The following MAP2K7 variants were observed in gnomAD, a reference collection of about 807,000 sequenced individuals.
The protein encoded by MAP2K7 is dual specificity mitogen-activated protein kinase kinase 7.
In MAP2K7, 12 loss-of-function variants were observed where a neutral mutation model predicts 47.7. The ratio of observed to expected loss-of-function variants is 0.25; its 90% confidence interval spans 0.16 to 0.41. The LOEUF is 0.41. Ranked by LOEUF, MAP2K7 falls within the 10% of genes least tolerant of loss-of-function variation. The pLI is 1.00. For missense variants in MAP2K7, 415 were observed against 600.3 expected (o/e 0.69, Z 3.23); for synonymous variants, 299 against 243.0 (o/e 1.23, Z -2.14).
chr19:7,909,962 G>C, intron 2 of MAP2K7, 66 bp downstream of exon 2: 1 of 1,506,716 alleles, frequency 6.6e-7, no homozygotes, highest in Non-Finnish European at 8.9e-7. Context: ...CCAGCCCTGG[G>C]AGGAGGGTGG....
chr19:7,912,039 A>C, intron 9 of MAP2K7, 110 bp from the exon 10 acceptor site: 1 of 953,096 alleles, frequency 1.0e-6, no homozygotes, highest in Non-Finnish European at 1.7e-6. Context: ...TCCTTCCCCC[A>C]CACACATCTT....
intron 1 of MAP2K7, chr19:7,906,135 C>CG: frequency 2.0e-6 from 1 of 493,996 alleles, no homozygotes; most frequent in Non-Finnish European, 3.7e-6. Flanking sequence ...CTGTGGCCTC[C>CG]GGGGGTGGGG....
chr19:7,904,450 G>T (rs542110473), intron 1 of MAP2K7: 1 of 380,586 alleles, frequency 2.6e-6, no homozygotes, highest in Non-Finnish European at 5.3e-6. Flanking sequence ...CGTCATCTCA[G>T]GGACTGTCTG....
chr19:7,907,690 C>T (rs1982555219), intron 1 of MAP2K7, among the ~76,000 whole-genome samples: 1 of 152,176 alleles, frequency 6.6e-6, no homozygotes, highest in Non-Finnish European at 1.5e-5. Flanking sequence ...CCCCAGGCTC[C>T]GGGGCCACCC....
At chr19:7,904,102 G>T in intron 1 of MAP2K7, 34 bp downstream of exon 1, 1 of 1,159,022 alleles carries the variant, frequency 8.6e-7, no homozygotes, top group South Asian at 3.5e-5. Context: ...GGGGCGGGCG[G>T]GCGGGGCGGG....
chr19:7,909,844 C>A lies in MAP2K7; in HGVS notation c.214C>A (p.Arg72Ser). The A allele has an allele frequency of 6.5e-7, 1 of 1,540,530 alleles. No homozygotes were observed. ...GCACCCCACGCCCCCCGCCCGGCCCCGCCACATGCTGGGGCTCCCGTCAAC... is the reference window on the plus strand; with the variant it reads ...GCACCCCACGCCCCCCGCCCGGCCCAGCCACATGCTGGGGCTCCCGTCAAC... ...PQHPTPPARP[R>S]HMLGLPSTLF... Residue 72 changes from arginine to serine, a missense_variant, in exon 2 of 11, where the codon CGC becomes AGC. This residue lies in a region of MAP2K7 where 115 missense variants were observed against 126.2 expected (regional missense o/e 0.91). Transcript: ENST00000397979.
At chr19:7,906,166 T>TGTA (rs1982445069) in intron 1 of MAP2K7, 2 of 406,162 alleles carry the variant, frequency 4.9e-6, no homozygotes, top group Non-Finnish European at 9.1e-6. Flanking sequence ...CCTGTGTGTG[T>TGTA]GTAACTGAGA....
intron 9 of MAP2K7, among the ~76,000 whole-genome samples, chr19:7,911,926 T>C (rs1173959733): frequency 1.3e-5 from 2 of 152,182 alleles, no homozygotes; most frequent in African/African-American, 4.8e-5. Context: ...CAGCCAGCTC[T>C]GGCCCCCCAA....
chr19:7,904,970 G>C (rs1167353226), intron 1 of MAP2K7, among the ~76,000 whole-genome samples: 1 of 151,236 alleles, frequency 6.6e-6, no homozygotes, highest in Non-Finnish European at 1.5e-5. Context: ...CCACCACCTC[G>C]GTACCTACCT....
intron 5 of MAP2K7, 47 bp from the exon 6 acceptor site, chr19:7,910,649 G>A (rs761990849): frequency 1.9e-6 from 3 of 1,608,150 alleles, no homozygotes; most frequent in Non-Finnish European, 2.6e-6. Context: ...AGCCTCTGGG[G>A]GGTGGGCCGG....
At chr19:7,905,920 G>A (rs1599620696) in intron 1 of MAP2K7, 13 of 1,432,606 alleles carry the variant, frequency 9.1e-6, no homozygotes, top group South Asian at 4.6e-5. Flanking sequence ...TGCCCCGGCC[G>A]CAGAATGGCG....
intron 8 of MAP2K7, 49 bp downstream of exon 8, chr19:7,911,379 G>A (rs780818089): frequency 1.2e-6 from 2 of 1,613,330 alleles, no homozygotes; most frequent in Admixed American, 1.7e-5. Context: ...AGGGCTTCTG[G>A]GGGACTCGGA....
chr19:7,912,099 C>T, intron 9 of MAP2K7, 50 bp from the exon 10 acceptor site: 1 of 1,576,562 alleles, frequency 6.3e-7, no homozygotes, highest in Non-Finnish European at 8.7e-7. Flanking sequence ...GTGGGGCCGG[C>T]ATCCCCTCCT....
In MAP2K7 at chr19:7,914,092, G is replaced by C. The variant is rs907011465; in HGVS notation, c.*1661G>C. 1 of 152,256 alleles carries C rather than the reference G, an allele frequency of 6.6e-6. No individual in the cohort carries two copies. Among genetic ancestry groups the C allele is most frequent in the Non-Finnish European group, 1.5e-5 (1 of 68,058 alleles). The allele number at this position is 152,256 out of a possible 1,614,324, so 9.4% of individuals were successfully genotyped here. ...TGCATCCAGCCATGGGGGCCTCTGC[G>C]ATTGCCGGAAGGTTGCATGGCTGGT... On this transcript the variant is annotated 3_prime_UTR_variant, in exon 11 of 11. Transcript: ENST00000397979.
intron 1 of MAP2K7, among the ~76,000 whole-genome samples, chr19:7,908,953 C>T (rs1222042337): frequency 6.6e-6 from 1 of 152,086 alleles, no homozygotes; most frequent in Non-Finnish European, 1.5e-5. Flanking sequence ...GCTGCCTGCC[C>T]GCCGCCTGCC....
Position 7,911,523 on chromosome 19 carries a change from C to T in MAP2K7, c.1024C>T (p.Leu342Phe), listed in dbSNP as rs982599133. 4.3e-6 allele frequency: 7 copies of T among 1,612,000 alleles called. No individual in the cohort carries two copies. The African/African-American group carries it at 9.3e-5, about 22-fold the overall frequency. ...CAAAGTCCTACAGGAAGAGCCCCCG[C>T]TTCTGCCCGGACACATGGGCTTCTC... ...LTKVLQEEPP[L>F]LPGHMGFSGD... is the part of the protein sequence containing the mutation. Residue 342 changes from leucine (L) to phenylalanine (F), a missense_variant, in exon 9 of 11, where the codon CTT (leucine) becomes TTT (phenylalanine). Coordinates refer to ENST00000397979, the MANE Select transcript of MAP2K7 (RefSeq NM_145185.4).
intron 1 of MAP2K7, among the ~76,000 whole-genome samples, chr19:7,909,068 A>T (rs1982644831): frequency 6.6e-6 from 1 of 151,996 alleles, no homozygotes; most frequent in South Asian, 2.1e-4. Context: ...CCCCTGCAGG[A>T]GCTGTGCCCC....
chr19:7,912,051 G>C, intron 9 of MAP2K7, 98 bp from the exon 10 acceptor site: 1 of 1,132,824 alleles, frequency 8.8e-7, no homozygotes, highest in South Asian at 1.4e-5. Flanking sequence ...ACACATCTTG[G>C]GGACCCCTGG....
Position 7,910,960 on chromosome 19 carries a change from C to T in MAP2K7, c.676-20C>T, listed in dbSNP as rs1191346688. 6.2e-7 allele frequency: 1 copy of T among 1,600,552 alleles called. No individual in the cohort carries two copies. Among genetic ancestry groups the T allele is most frequent in the Admixed American group, 1.7e-5 (1 of 59,626 alleles). ...GGTCTGTGCCCCCTGCCACATGCAC[C>T]CCCCTCTGCGTGCCTGCAGATTGTG... On this transcript the variant is annotated intron_variant, in intron 6 of 10. Coordinates refer to ENST00000397979, the MANE Select transcript of MAP2K7 (RefSeq NM_145185.4).
Sources: gnomAD v4.1 joint callset for allele counts (sites outside exome capture counted in the v4.1 genomes callset) on GRCh38, gnomAD v4.1.1 for gene constraint, gnomAD v4.1.1 regional missense constraint, MANE v1.5 for transcripts, NCBI Gene and HGNC (gene_info 2026-07-23, HGNC 2026-07-21) for gene names.